Variants in RBM6 observed in about 807,000 individuals in gnomAD.
RBM6 encodes RNA-binding protein 6.
RBM6 carries 23 observed loss-of-function variants against 140.4 expected under a neutral mutation model. That is an observed-to-expected ratio of 0.16 (90% confidence interval 0.12 to 0.23). The LOEUF (loss-of-function observed/expected upper bound fraction) is 0.23, where lower values mean the gene tolerates loss of function less well. Among genes scored for constraint, RBM6 ranks in the 10% least tolerant of loss-of-function variants. The pLI is 1.00. For missense variants in RBM6, 1,139 were observed against 1,386.7 expected, an observed-to-expected ratio of 0.82 and a Z score of 2.84; for synonymous variants, 439 against 475.6, an observed-to-expected ratio of 0.92 and a Z score of 1.00.
chr3:50,076,883 A>T (rs2108966923), intron 20 of RBM6, 125 bp from the exon 21 acceptor site: 2 of 176,854 alleles, frequency 1.1e-5, no homozygotes, highest in Middle Eastern at 2.6e-3. Context: ...GACTCCATCT[A>T]AAAAAAAAAA....
intron 10 of RBM6, chr3:50,058,843 G>T (rs2089824050): frequency 4.7e-6 from 1 of 212,910 alleles, no homozygotes; most frequent in African/African-American, 2.3e-5. Context: ...GTGAACTCCG[G>T]AGGCGGAGCT....
At chr3:50,028,151 G>A (rs2087944820) in intron 6 of RBM6, among the ~76,000 whole-genome samples, 1 of 152,038 alleles carries the variant, frequency 6.6e-6, no homozygotes, top group African/African-American at 2.4e-5. Context: ...AGCATATCAA[G>A]GGCTTGGTTT....
chr3:50,042,956 G>T (rs1434420491), intron 6 of RBM6, among the ~76,000 whole-genome samples: 3 of 152,128 alleles, frequency 2.0e-5, no homozygotes, highest in African/African-American at 7.2e-5. Flanking sequence ...TTGCTCCTCT[G>T]TGGTGTCTCT....
In RBM6 at chr3:50,058,438, C is replaced by A. The variant is rs971461714; in HGVS notation, c.2006C>A (p.Pro669His). The change falls in exon 10 of 21, where the codon CCT becomes CAT. Residue 669 changes from proline (P) to histidine (H), a missense_variant. Pro to His is a moderately conservative substitution (Grantham distance 77). Transcript: ENST00000266022. ...AAGCGTATCTATCGTTCCACACCAC[C>A]TGAGGTGATAGTGGAAGTGCTGGAG... Reference protein sequence around the residue: ...MLKRIYRSTPPEVIVEVLEPY... With the variant: ...MLKRIYRSTPHEVIVEVLEPY... The A allele has an allele frequency of 1.2e-6, 2 of 1,610,146 alleles. No individual in the cohort carries two copies.
intron 1 of RBM6, among the ~76,000 whole-genome samples, chr3:49,947,365 G>A (rs1219655367): frequency 5.3e-5 from 8 of 152,072 alleles, no homozygotes; most frequent in Non-Finnish European, 1.2e-4. Context: ...AGGTGTTTGA[G>A]GGTGCAGTGA....
intron 6 of RBM6, among the ~76,000 whole-genome samples, chr3:50,040,466 AAAAAAATAT>A (rs2088829330): frequency 1.2e-4 from 4 of 34,232 alleles, no homozygotes; most frequent in Admixed American, 9.7e-4. Context: ...AAAAAAAAAA[AAAAAAATAT>A]ATATATATAT....
At chr3:50,075,850 G>A (rs939287630) in intron 20 of RBM6, among the ~76,000 whole-genome samples, 3 of 152,036 alleles carry the variant, frequency 2.0e-5, no homozygotes, top group Non-Finnish European at 4.4e-5. Flanking sequence ...ATAAGAGATT[G>A]GCTTATTTCT....
At chr3:50,009,194 G>A (rs755287644) in intron 6 of RBM6, among the ~76,000 whole-genome samples, 9 of 152,168 alleles carry the variant, frequency 5.9e-5, no homozygotes, top group South Asian at 2.1e-4. Context: ...TAGACAGACA[G>A]CAAGAGAGTT....
At chr3:49,963,459 G>A (rs750606630) in intron 2 of RBM6, among the ~76,000 whole-genome samples, 24 of 152,054 alleles carry the variant, frequency 1.6e-4, no homozygotes, top group Non-Finnish European at 2.6e-4. Context: ...GTCTCTTAGC[G>A]AAGGAATACA....
At chr3:50,042,452 G>T (rs761010545) in intron 6 of RBM6, among the ~76,000 whole-genome samples, 1 of 152,126 alleles carries the variant, frequency 6.6e-6, no homozygotes, top group African/African-American at 2.4e-5. Context: ...AATCCTTGAG[G>T]CTGGGCACCA....
intron 16 of RBM6, chr3:50,065,499 T>C (rs1230430542): frequency 2.2e-5 from 10 of 459,008 alleles, no homozygotes; most frequent in Non-Finnish European, 3.9e-5. Flanking sequence ...CTCTTAGATA[T>C]GGAGTGCATG....
At chr3:50,071,592 C>T (rs1182382562) in intron 19 of RBM6, among the ~76,000 whole-genome samples, 2 of 152,054 alleles carry the variant, frequency 1.3e-5, no homozygotes, top group Non-Finnish European at 2.9e-5. Context: ...CTAGGAGTTC[C>T]AGGCCAGCCT....
At chr3:49,990,633 A>T (rs915677290) in intron 5 of RBM6, among the ~76,000 whole-genome samples, 2 of 152,236 alleles carry the variant, frequency 1.3e-5, no homozygotes, top group African/African-American at 4.8e-5. Context: ...TGTTTGACAG[A>T]TGTACATACG....
intron 6 of RBM6, among the ~76,000 whole-genome samples, chr3:50,029,848 C>T (rs1482872742): frequency 1.3e-5 from 2 of 151,552 alleles, no homozygotes; most frequent in Non-Finnish European, 2.9e-5. Context: ...CATAGTAAAA[C>T]CTCATCGCTA....
chr3:50,071,679 G>A (rs1034962746), intron 19 of RBM6, among the ~76,000 whole-genome samples: 1 of 152,128 alleles, frequency 6.6e-6, no homozygotes, highest in Admixed American at 6.6e-5. Context: ...AGAGAGAGGT[G>A]TCAGATCTGC....
At chr3:49,958,596 CAA>C (rs373152020) in intron 1 of RBM6, among the ~76,000 whole-genome samples, 427 of 147,256 alleles carry the variant, frequency 2.9e-3, no homozygotes, top group African/African-American at 9.8e-3. Context: ...CAAAAAACCA[CAA>C]AAATTAGCCG....
chr3:50,058,416 C>T lies in RBM6; in HGVS notation c.1984C>T (p.Arg662Cys), dbSNP rs2108910798. ...DGESKTIMLK[R>C]IYRSTPPEVI... The stretch of plus-strand genomic sequence containing the variant: ...GGTTGATTCAGCTATCATGCTAAAG[C>T]GTATCTATCGTTCCACACCACCTGA... Residue 662 changes from arginine (R) to cysteine (C), a missense_variant, in exon 10 of 21, where the codon CGT becomes TGT. This residue lies in a region of RBM6 where 47 missense variants were observed against 117.6 expected (regional missense o/e 0.40). Transcript: ENST00000266022. 1 of 1,610,208 alleles carries T rather than the reference C, an allele frequency of 6.2e-7. No individual in the cohort carries two copies. The highest frequency in any genetic ancestry group is 8.5e-7 in the Non-Finnish European group (1 of 1,176,430).
chr3:50,023,249 G>A (rs2108800292), intron 6 of RBM6, among the ~76,000 whole-genome samples: 1 of 151,042 alleles, frequency 6.6e-6, no homozygotes, highest in East Asian at 1.9e-4. Flanking sequence ...TTCTTTTTCT[G>A]TTTCTTCTTC....
intron 6 of RBM6, among the ~76,000 whole-genome samples, chr3:50,013,435 C>T (rs1385497438): frequency 6.6e-6 from 1 of 152,104 alleles, no homozygotes; most frequent in Non-Finnish European, 1.5e-5. Flanking sequence ...CTTTCAGAGG[C>T]CGAGGGAGGC....
Sources: gnomAD v4.1 joint callset for allele counts (sites outside exome capture counted in the v4.1 genomes callset) on GRCh38, gnomAD v4.1.1 for gene constraint, gnomAD v4.1.1 regional missense constraint, MANE v1.5 for transcripts, NCBI Gene and HGNC (gene_info 2026-07-23, HGNC 2026-07-21) for gene names.